PLEKHA5: variants seen among roughly 807,000 people sequenced by gnomAD.
PLEKHA5 encodes pleckstrin homology domain containing A5, also known as pleckstrin homology domain-containing family A member 5.
A neutral mutation model predicts 181.9 loss-of-function variants in PLEKHA5; 55 were observed. The observed-to-expected ratio is 0.30, with a 90% CI of 0.24 to 0.38. The LOEUF (loss-of-function observed/expected upper bound fraction) is 0.38, where lower values mean the gene tolerates loss of function less well. PLEKHA5 is among the 10% of genes least tolerant of loss of function. The pLI is 1.00. For synonymous variants in PLEKHA5, 535 were observed against 529.4 expected (o/e 1.01, Z -0.15); for missense variants, 1,432 against 1,549.5 (o/e 0.92, Z 1.27).
Position 19,130,215 on chromosome 12 carries a change from C to T in PLEKHA5, c.169+85C>T. 1.3e-6 allele frequency: 1 copy of T among 756,986 alleles called. No homozygotes were observed. The highest frequency in any genetic ancestry group is 1.9e-5 in the African/African-American group (1 of 53,674). 46.9% of individuals were successfully genotyped at this position (756,986 alleles called of 1,614,324 possible). ...GCCCGGCTCCCCGCAACCTGCCCCG[C>T]GCCGCGGGCCCCGGGAGGCGGCGAG... is the stretch of plus-strand genomic sequence containing the variant. On this transcript the variant is annotated intron_variant, in intron 2 of 31. Transcript: ENST00000429027. The surrounding 1 kb of genome is among the most constrained non-coding windows in gnomAD (Gnocchi z 4.5).
chr12:19,320,488 A>T (rs562007299), intron 17 of PLEKHA5, 74 bp from the exon 18 acceptor site: 1 of 677,110 alleles, frequency 1.5e-6, no homozygotes, highest in African/African-American at 1.9e-5. Flanking sequence ...ATATAAATCC[A>T]AAGTATTAAT....
intron 28 of PLEKHA5, among the ~76,000 whole-genome samples, chr12:19,361,243 C>T (rs778151193): frequency 5.9e-5 from 9 of 151,946 alleles, no homozygotes; most frequent in African/African-American, 9.7e-5. Flanking sequence ...GAGTGCAGTC[C>T]GCGATCTCCG....
intron 3 of PLEKHA5, among the ~76,000 whole-genome samples, chr12:19,227,677 A>C (rs2059889964): frequency 2.0e-5 from 3 of 152,162 alleles, no homozygotes; most frequent in African/African-American, 7.2e-5. Flanking sequence ...GCCTGTACCT[A>C]GTTGCAAGGG....
At chr12:19,280,362 T>A (rs2075785844) in intron 11 of PLEKHA5, among the ~76,000 whole-genome samples, 1 of 152,088 alleles carries the variant, frequency 6.6e-6, no homozygotes, top group Non-Finnish European at 1.5e-5. Context: ...CTATAATATA[T>A]CAGTATTTGT....
At chr12:19,316,218 T>C (rs1172460059) in intron 16 of PLEKHA5, among the ~76,000 whole-genome samples, 2 of 152,196 alleles carry the variant, frequency 1.3e-5, no homozygotes, top group Non-Finnish European at 2.9e-5. Context: ...GATTTTGTTG[T>C]AATAGGTTAT....
chr12:19,272,974 T>C (rs2073427542), intron 10 of PLEKHA5, among the ~76,000 whole-genome samples: 1 of 152,190 alleles, frequency 6.6e-6, no homozygotes, highest in South Asian at 2.1e-4. Flanking sequence ...TGGCACGATC[T>C]CAGCTCACTC....
intron 3 of PLEKHA5, among the ~76,000 whole-genome samples, chr12:19,160,157 T>G (rs1389811868): frequency 6.6e-6 from 1 of 152,108 alleles, no homozygotes; most frequent in Non-Finnish European, 1.5e-5. Flanking sequence ...ATGTTTTAGT[T>G]TTTTCTTTTA....
At chr12:19,351,957 T>A (rs552729488) in intron 25 of PLEKHA5, among the ~76,000 whole-genome samples, 5 of 150,984 alleles carry the variant, frequency 3.3e-5, no homozygotes, top group African/African-American at 1.2e-4. Flanking sequence ...TTGCCTGTAA[T>A]CCCAGTTACT....
At position 19,348,378 on chromosome 12, in the gene PLEKHA5, AT is replaced by A; in HGVS notation, c.2899-19del. ...AAACTTTTAGCAGTTTTTTAGGGTA[AT>A]TACATGTCTTCCTTTCAAGGGTCCA... On this transcript the variant is annotated intron_variant, in intron 24 of 31. Transcript: ENST00000429027. 6.4e-7 allele frequency: 1 copy of A among 1,554,084 alleles called. No individual in the cohort carries two copies. Among genetic ancestry groups the A allele is most frequent in the Non-Finnish European group, 8.7e-7 (1 of 1,153,042 alleles).
intron 17 of PLEKHA5, 79 bp downstream of exon 17, chr12:19,320,135 A>G (rs1426391196): frequency 1.8e-6 from 1 of 542,498 alleles, no homozygotes; most frequent in Non-Finnish European, 3.1e-6. Flanking sequence ...TTGAGTGTAC[A>G]CATACACAGT....
At chr12:19,350,360 A>G (rs186269214) in intron 25 of PLEKHA5, among the ~76,000 whole-genome samples, 1 of 152,342 alleles carries the variant, frequency 6.6e-6, no homozygotes, top group Admixed American at 6.5e-5. Flanking sequence ...ATTTATGCAG[A>G]GATAATGTAA....
intron 13 of PLEKHA5, among the ~76,000 whole-genome samples, chr12:19,288,627 C>T (rs1289816005): frequency 6.6e-6 from 1 of 152,150 alleles, no homozygotes; most frequent in Admixed American, 6.5e-5. Context: ...TTATCTTTTA[C>T]ACATTTAGAT....
rs769714610 is a variant in PLEKHA5 at position 19,359,463 on chromosome 12, G to A, written c.3400G>A (p.Val1134Ile). The A allele has an allele frequency of 1.1e-5, 17 of 1,613,394 alleles. 1 individual carries two copies. In the South Asian group the frequency reaches 1.8e-4, roughly 17 times the overall value. The change falls in exon 28 of 32, where the codon GTA becomes ATA. Residue 1134 changes from valine to isoleucine, a missense_variant. By Grantham distance (29) the Val-to-Ile change is conservative (BLOSUM62 3). This residue lies in a region of PLEKHA5 where 1,143 missense variants were observed against 1,168.4 expected (regional missense o/e 0.98). Transcript: ENST00000429027. ...GGACACTGCCATTAGAGAAAATGAT[G>A]TAAAGCCAGACCATGAAACTCCTGC... ...ELDTAIREND[V>I]KPDHETPATE...
chr12:19,318,038 G>A (rs1291828592), intron 16 of PLEKHA5, among the ~76,000 whole-genome samples: 2 of 142,800 alleles, frequency 1.4e-5, no homozygotes, highest in Non-Finnish European at 3.0e-5. Context: ...CTTTTTTTTC[G>A]GTAGGGCCAG....
chr12:19,330,118 T>G (rs2153086706), intron 20 of PLEKHA5, among the ~76,000 whole-genome samples: 2 of 152,322 alleles, frequency 1.3e-5, no homozygotes, highest in South Asian at 4.1e-4. Flanking sequence ...AGTTATTTAT[T>G]TAAATCTTCC....
chr12:19,176,892 TCTCA>T (rs1427005486), intron 3 of PLEKHA5, among the ~76,000 whole-genome samples: 1 of 151,958 alleles, frequency 6.6e-6, no homozygotes, highest in Non-Finnish European at 1.5e-5. Flanking sequence ...TGAGACAGAG[TCTCA>T]CTCTGTCGCC....
rs184983686 is a variant in PLEKHA5, at chr12:19,202,758, C to T, written c.228-51182C>T. ...TGTATTCATTTCCAGTCTTGCTCCTCTCATTCCCTCCCTTTGGTTAGGTAT... is the reference window on the plus strand; with the variant it reads ...TGTATTCATTTCCAGTCTTGCTCCTTTCATTCCCTCCCTTTGGTTAGGTAT... On this transcript the variant is annotated intron_variant, in intron 3 of 31. Transcript: ENST00000429027. Among the ~76,000 whole-genome samples, 13 of 152,198 alleles carry T rather than the reference C, an allele frequency of 8.5e-5. No individual in the cohort carries two copies. In the East Asian group the frequency reaches 2.5e-3, roughly 29 times the overall value.
At chr12:19,150,117 G>A (rs1427951148) in intron 3 of PLEKHA5, 2 of 152,188 alleles carry the variant, frequency 1.3e-5, no homozygotes, top group Admixed American at 6.5e-5. Context: ...TGAACACACT[G>A]CTGATCATAT....
chr12:19,351,695 A>G (rs546706031), intron 25 of PLEKHA5, among the ~76,000 whole-genome samples: 4 of 152,342 alleles, frequency 2.6e-5, no homozygotes, highest in Admixed American at 2.6e-4. Context: ...GAGAAAATGC[A>G]AAGCAAAAAA....
Sources: gnomAD v4.1 joint callset for allele counts (sites outside exome capture counted in the v4.1 genomes callset) on GRCh38, gnomAD v4.1.1 for gene constraint, gnomAD v4.1.1 regional missense constraint, Gnocchi (gnomAD v3.1) non-coding constraint, MANE v1.5 for transcripts, NCBI Gene and HGNC (gene_info 2026-07-23, HGNC 2026-07-21) for gene names.